The following ZNF28 variants were observed in gnomAD, a reference collection of about 807,000 sequenced individuals.
ZNF28 encodes the protein zinc finger protein 28, also known as zinc finger protein KOX24.
A neutral mutation model predicts 7.2 loss-of-function variants in ZNF28; 5 were observed. The observed-to-expected ratio is 0.70, with a 90% confidence interval of 0.36 to 1.46. ZNF28 has a LOEUF of 1.46. Among genes scored for constraint, ZNF28 ranks in the 40% most tolerant of loss-of-function variants. The pLI is 0.03. For synonymous variants in ZNF28, 288 were observed against 292.4 expected, an observed-to-expected ratio of 0.99 and a Z score of 0.15; for missense variants, 879 against 866.6, an observed-to-expected ratio of 1.01 and a Z score of -0.18.
rs1344830462 is a variant in ZNF28 at position 52,798,327 on chromosome 19, G to A, written c.*1361C>T. The A allele has an allele frequency of 3.1e-6, 1 of 318,848 alleles. No homozygotes were observed. Among genetic ancestry groups the A allele is most frequent in the East Asian group, 9.3e-5 (1 of 10,792 alleles). The allele number at this position is 318,848 out of a possible 1,614,324, so 19.8% of individuals were successfully genotyped here. A position where few individuals can be genotyped will look rare whatever the true frequency, so the allele number is the denominator to read the frequency against. ...GTCCTCTTAACATAAACAGTTTAATGTCAATTAATGCTTAAACTCAATGTT... is the reference window on the plus strand; with the variant it reads ...GTCCTCTTAACATAAACAGTTTAATATCAATTAATGCTTAAACTCAATGTT... On this transcript the variant is annotated 3_prime_UTR_variant, in exon 4 of 4. Coordinates refer to ENST00000457749, the MANE Select transcript of ZNF28 (RefSeq NM_006969.5).
intron 2 of ZNF28, among the ~76,000 whole-genome samples, chr19:52,811,005 TCAGCCTGCCGAGTGCCTGCGATTG>T (rs1188612699): frequency 1.5e-5 from 2 of 137,802 alleles, no homozygotes; most frequent in African/African-American, 5.2e-5. Flanking sequence ...TTCTCCTGCC[TCAGCCTGCCGAGTGCCTGCGATTG>T]CAGGCACGCG....
rs1210157105 is a variant in ZNF28, at chr19:52,798,968, T to G, written c.*720A>C. 55 of 1,255,160 alleles carry G rather than the reference T, an allele frequency of 4.4e-5. No individual in the cohort carries two copies. Among genetic ancestry groups the G allele is most frequent in the Non-Finnish European group, 5.6e-5 (51 of 915,730 alleles). 77.8% of individuals were successfully genotyped at this position (1,255,160 alleles called of 1,614,324 possible). ...CTCTCCAGTGTGAATTCTAGTATGG[T>G]GTGCCAGGTGTGAATCACTCCCAAA... On this transcript the variant is annotated 3_prime_UTR_variant, in exon 4 of 4. Coordinates refer to ENST00000457749, the MANE Select transcript of ZNF28 (RefSeq NM_006969.5).
At chr19:52,810,996 T>A (rs2063025372) in intron 2 of ZNF28, among the ~76,000 whole-genome samples, 3 of 139,568 alleles carry the variant, frequency 2.1e-5, no homozygotes, top group Non-Finnish European at 4.7e-5. Flanking sequence ...CCTGCCTGAT[T>A]CTCCTGCCTC....
chr19:52,810,356 G>A lies in ZNF28; in HGVS notation c.16-2223C>T, dbSNP rs2063003396. Reference sequence around the variant, plus strand: ...ACTGCGGTGCAACAGCAGAAGAGCTGGAAGCTCACTTTCATGGCTGTGGTT... The same window carrying A: ...ACTGCGGTGCAACAGCAGAAGAGCTAGAAGCTCACTTTCATGGCTGTGGTT... On this transcript the variant is annotated intron_variant, in intron 2 of 3. Transcript: ENST00000457749. 6.2e-6 allele frequency: 10 copies of A among 1,604,568 alleles called. No homozygotes were observed. The South Asian group carries it at 8.8e-5, about 14-fold the overall frequency.
At position 52,800,124 on chromosome 19, in the gene ZNF28, G is replaced by C. The variant is rs2062843591; in HGVS notation, c.1721C>G (p.Thr574Ser). 2.5e-6 allele frequency: 4 copies of C among 1,613,958 alleles called. No homozygotes were observed. Among genetic ancestry groups the C allele is most frequent in the Non-Finnish European group, 2.5e-6 (3 of 1,179,976 alleles). Reference sequence around the variant, plus strand: ...CTTACATTTGTACGGTTTCTCTCCAGTATGAATCCTCCTATGTCTTTCCAT... The same window carrying C: ...CTTACATTTGTACGGTTTCTCTCCACTATGAATCCTCCTATGTCTTTCCAT... ...SHMERHRRIHTGEKPYKCKVC... is the reference protein window; with the variant it reads ...SHMERHRRIHSGEKPYKCKVC... The change falls in exon 4 of 4, where the codon ACT becomes AGT. Residue 574 changes from threonine (T) to serine (S), a missense_variant. By Grantham distance (58) the Thr-to-Ser change is moderately conservative. Coordinates refer to ENST00000457749, the MANE Select transcript of ZNF28 (RefSeq NM_006969.5).
rs537971733 is a variant in ZNF28, at chr19:52,809,825, C to T, written c.16-1692G>A. ...AGGAGCCCAGTCTGAGCGGCGAAGGCGGCGGCGGCGGCGGTGGCGGTGGTG... is the reference window on the plus strand; with the variant it reads ...AGGAGCCCAGTCTGAGCGGCGAAGGTGGCGGCGGCGGCGGTGGCGGTGGTG... On this transcript the variant is annotated intron_variant, in intron 2 of 3. Transcript: ENST00000457749. The T allele has an allele frequency of 6.3e-3, 3,356 of 529,878 alleles. 51 individuals are homozygous for T. Among genetic ancestry groups the T allele is most frequent in the Non-Finnish European group, 8.0e-3 (2,428 of 304,582 alleles). The allele number at this position is 529,878 out of a possible 1,614,324, so 32.8% of individuals were successfully genotyped here.
Position 52,816,875 on chromosome 19 carries a change from C to T in ZNF28, c.15+1069G>A, listed in dbSNP as rs903299480. On this transcript the variant is annotated intron_variant, in intron 2 of 3. Coordinates refer to ENST00000457749, the MANE Select transcript of ZNF28 (RefSeq NM_006969.5). ...AATAATAATAATAATAATAATAAAA[C>T]GTGGAATGAGAATACAGCTTTATCC... 3.9e-4 allele frequency among the ~76,000 whole-genome samples: 44 copies of T among 113,972 alleles called. 1 individual carries two copies. Among genetic ancestry groups the T allele is most frequent in the Non-Finnish European group, 7.1e-4 (37 of 52,082 alleles). The allele number at this position is 113,972 out of a possible 152,430, so 74.8% of individuals were successfully genotyped here. A position where few individuals can be genotyped will look rare whatever the true frequency, so the allele number is the denominator to read the frequency against.
intron 3 of ZNF28, among the ~76,000 whole-genome samples, chr19:52,803,962 A>T (rs1179838725): frequency 6.6e-6 from 1 of 152,198 alleles, no homozygotes; most frequent in Non-Finnish European, 1.5e-5. Flanking sequence ...ATCTCAAAAA[A>T]ATAAAATAAG....
chr19:52,811,814 T>G (rs1444014853), intron 2 of ZNF28, among the ~76,000 whole-genome samples: 137 of 105,892 alleles, frequency 1.3e-3, no homozygotes, highest in Middle Eastern at 6.9e-3. Flanking sequence ...GGTGAGGGGC[T>G]CCTCTGCCCG....
chr19:52,803,427 C>A (rs978940871), intron 3 of ZNF28, among the ~76,000 whole-genome samples: 2 of 152,164 alleles, frequency 1.3e-5, no homozygotes, highest in Non-Finnish European at 2.9e-5. Flanking sequence ...TTGCATACCA[C>A]ATACCGAAAA....
In ZNF28 at chr19:52,800,012, C is replaced by T. The variant is rs767002190; in HGVS notation, c.1833G>A (p.Glu611=). ...ATGTCTGACGGAAGGTCTTGCCACA[C>T]TCATTACACTTGTAAGGTTTCTCTC... ...HTGEKPYKCN[E]CGKTFRQTSS... The change falls in exon 4 of 4, where the codon GAG becomes GAA. Residue 611 remains glutamate, a synonymous_variant. Coordinates refer to ENST00000457749, the MANE Select transcript of ZNF28 (RefSeq NM_006969.5). The T allele has an allele frequency of 1.2e-6, 2 of 1,614,034 alleles. No homozygotes were observed. Among genetic ancestry groups the T allele is most frequent in the Non-Finnish European group, 1.7e-6 (2 of 1,179,990 alleles).
chr19:52,816,772 A>G (rs2063129921), intron 2 of ZNF28, among the ~76,000 whole-genome samples: 1 of 151,818 alleles, frequency 6.6e-6, no homozygotes, highest in Non-Finnish European at 1.5e-5. Context: ...CAGAGGTTGT[A>G]GTAAGCTGAG....
intron 3 of ZNF28, among the ~76,000 whole-genome samples, chr19:52,804,179 A>G (rs2062907969): frequency 6.6e-6 from 1 of 152,210 alleles, no homozygotes; most frequent in Non-Finnish European, 1.5e-5. Flanking sequence ...GGTCTAAAGC[A>G]TGAAGAAGGC....
intron 1 of ZNF28, among the ~76,000 whole-genome samples, chr19:52,820,549 G>A (rs2910627): frequency 0.053 from 7,694 of 144,040 alleles, 182 homozygotes; most frequent in African/African-American, 0.1. Flanking sequence ...CCTGGACCCA[G>A]TCTGGCACCC....
chr19:52,810,831 A>T, intron 2 of ZNF28: 1 of 254,454 alleles, frequency 3.9e-6, no homozygotes. Flanking sequence ...TATATTTTTA[A>T]AAAAAGAGTC....
chr19:52,809,422 G>A (rs2062983300), intron 2 of ZNF28, among the ~76,000 whole-genome samples: 1 of 152,096 alleles, frequency 6.6e-6, no homozygotes, highest in Admixed American at 6.6e-5. Flanking sequence ...ATGAAATATC[G>A]AACTAAAATA....
intron 2 of ZNF28, among the ~76,000 whole-genome samples, chr19:52,813,407 C>T (rs1262443364): frequency 6.6e-6 from 1 of 151,148 alleles, no homozygotes; most frequent in Non-Finnish European, 1.5e-5. Flanking sequence ...CACGTCTCAA[C>T]AGTGCAAGCT....
At chr19:52,809,847 G>A (rs1270636033) in intron 2 of ZNF28, 3 of 580,270 alleles carry the variant, frequency 5.2e-6, no homozygotes, top group Non-Finnish European at 9.0e-6. Flanking sequence ...CGGTGGCGGT[G>A]GTGGCAGTAG....
chr19:52,804,667 A>G (rs1353799057), intron 3 of ZNF28, among the ~76,000 whole-genome samples: 2 of 152,034 alleles, frequency 1.3e-5, no homozygotes, highest in East Asian at 3.9e-4. Context: ...CACTGCACCT[A>G]GCCCATTTTT....
Sources: gnomAD v4.1 joint callset for allele counts (sites outside exome capture counted in the v4.1 genomes callset) on GRCh38, gnomAD v4.1.1 for gene constraint, MANE v1.5 for transcripts, NCBI Gene and HGNC (gene_info 2026-07-23, HGNC 2026-07-21) for gene names.